PLAGL1: variants seen among roughly 807,000 people sequenced by gnomAD.
PLAGL1 encodes zinc finger protein PLAGL1.
In PLAGL1, 1 loss-of-function variant was observed where a neutral mutation model predicts 4.6. The ratio of observed to expected loss-of-function variants is 0.22; its 90% CI spans 0.08 to 1.03. PLAGL1 has a LOEUF of 1.03. Among genes scored for constraint, PLAGL1 ranks in the 50% least tolerant of loss-of-function variants. The pLI is 0.58. For synonymous variants in PLAGL1, 240 were observed against 237.8 expected, an observed-to-expected ratio of 1.01 and a Z score of -0.08; for missense variants, 464 against 570.4, an observed-to-expected ratio of 0.81 and a Z score of 1.90.
At chr6:144,012,358 G>A (rs142664147), upstream of PLAGL1, among the ~76,000 whole-genome samples, 1,008 of 151,932 alleles carry the variant, frequency 6.6e-3, 9 homozygotes, top group South Asian at 0.028. This position sits in a 1 kb window ranked among gnomAD's most constrained non-coding sequence, Gnocchi z 4.8. Context: ...GATTATAGGC[G>A]TGCACCATCA....
chr6:144,041,965 G>C (rs1279623061), intron 1 of PLAGL1, among the ~76,000 whole-genome samples: 1 of 152,100 alleles, frequency 6.6e-6, no homozygotes, highest in Non-Finnish European at 1.5e-5. Flanking sequence ...GTGTCTGTTG[G>C]CTGCATAAAT....
At chr6:144,023,307 A>G (rs1796103068) in intron 1 of PLAGL1, among the ~76,000 whole-genome samples, 1 of 152,194 alleles carries the variant, frequency 6.6e-6, no homozygotes, top group Non-Finnish European at 1.5e-5. Flanking sequence ...GTGTATGATA[A>G]CATAGTGGTG....
chr6:144,063,586 G>C lies in PLAGL1; in HGVS notation c.-151+882C>G, dbSNP rs975673897. 1.3e-5 allele frequency among the ~76,000 whole-genome samples: 2 copies of C among 152,060 alleles called. No homozygotes were observed. Among genetic ancestry groups the C allele is most frequent in the Non-Finnish European group, 2.9e-5 (2 of 68,010 alleles). ...GAATACATCGGAGTTCTGTTCTTTC[G>C]GTGGCCACACAGATGCTCAATGCCA... is the stretch of plus-strand genomic sequence containing the variant. On this transcript the variant is annotated intron_variant, in intron 1 of 3. Coordinates refer to the PLAGL1 transcript ENST00000437412. This position sits in a 1 kb window ranked among gnomAD's most constrained non-coding sequence, Gnocchi z 5.7.
rs1796402720 is a variant in PLAGL1, at chr6:144,027,223, CAAAGAACGAACG to C, written c.-151+37233_-151+37244del. 1.0e-5 allele frequency among the ~76,000 whole-genome samples: 1 copy of C among 96,702 alleles called. No homozygotes were observed. Among genetic ancestry groups the C allele is most frequent in the African/African-American group, 6.0e-5 (1 of 16,586 alleles). 63.4% of individuals were successfully genotyped at this position (96,702 alleles called of 152,430 possible). ...TGGGTGACAGAGAAAGACCCCAACT[CAAAGAACGAACG>C]AAAGAAAGAAAGAAAGAAAGAAAGA... On this transcript the variant is annotated intron_variant, in intron 1 of 3. Coordinates refer to the PLAGL1 transcript ENST00000437412. This position sits in a 1 kb window ranked among gnomAD's most constrained non-coding sequence, Gnocchi z 5.8.
chr6:143,956,606 T>A lies in PLAGL1; in HGVS notation c.-325+3863A>T, dbSNP rs1474670862. 3.3e-5 allele frequency among the ~76,000 whole-genome samples: 5 copies of A among 152,216 alleles called. No homozygotes were observed. The East Asian group carries it at 9.6e-4, about 29-fold the overall frequency. ...TCTCTTCTACTAGAAGAAGGTAGGCTTTTTATAGATGGGAGCTTTTCTTTG... is the reference window on the plus strand; with the variant it reads ...TCTCTTCTACTAGAAGAAGGTAGGCATTTTATAGATGGGAGCTTTTCTTTG... On this transcript the variant is annotated intron_variant, in intron 6 of 7. Transcript: ENST00000674357.
chr6:144,001,919 C>T (rs752466633), intron 1 of PLAGL1, among the ~76,000 whole-genome samples: 8 of 152,042 alleles, frequency 5.3e-5, no homozygotes, highest in Non-Finnish European at 1.2e-4. Context: ...GACTGAGAAA[C>T]TGTCACAGAT....
rs1334403454 is a variant in PLAGL1, at chr6:143,986,943, C to T, written c.-583-1769G>A. Among the ~76,000 whole-genome samples the T allele has an allele frequency of 2.0e-5, 3 of 152,150 alleles. No homozygotes were observed. The East Asian group carries it at 5.8e-4, about 29-fold the overall frequency. On this transcript the variant is annotated intron_variant, in intron 1 of 7. Transcript: ENST00000674357. ...TTAGCATGGTTTGGTGTGCGTATAA[C>T]CAAGTTATACATAGGAACTAGGGAA...
rs923447294 is a variant in PLAGL1, at chr6:143,989,766, G to A, written c.-583-4592C>T. Among the ~76,000 whole-genome samples the A allele has an allele frequency of 6.6e-6, 1 of 152,070 alleles. No homozygotes were observed. Among genetic ancestry groups the A allele is most frequent in the African/African-American group, 2.4e-5 (1 of 41,400 alleles). On this transcript the variant is annotated intron_variant, in intron 1 of 7. Coordinates refer to ENST00000674357, the MANE Select transcript of PLAGL1 (RefSeq NM_001317162.2). The surrounding 1 kb of genome is among the most constrained non-coding windows in gnomAD (Gnocchi z 4.8). ...AACTCTGCCAACTCAAATTCACTTG[G>A]GTTCTAGAAACTGCCCAACAATTAT...
rs986870700 is a variant in PLAGL1, at chr6:143,947,443, T to G, written c.152+542A>C. ...ATACACCTGAATGAGACAAACCCTC[T>G]CAGACAGAGGTAAGGCCTGCTATAC... is the stretch of plus-strand genomic sequence containing the variant. On this transcript the variant is annotated intron_variant, in intron 7 of 7. Coordinates refer to ENST00000674357, the MANE Select transcript of PLAGL1 (RefSeq NM_001317162.2). The surrounding 1 kb of genome is among the most constrained non-coding windows in gnomAD (Gnocchi z 4.3). 3.9e-5 allele frequency among the ~76,000 whole-genome samples: 6 copies of G among 152,210 alleles called. No homozygotes were observed. The highest frequency in any genetic ancestry group is 7.2e-5 in the African/African-American group (3 of 41,454).
Position 144,016,055 on chromosome 6 carries a change from T to C in PLAGL1, c.-150-47077A>G, listed in dbSNP as rs978623444. ...ACTGTGCGGAGTCAAAGAAATCATA[T>C]TGTATTAGTCAGGGTTCTCTAGAGG... On this transcript the variant is annotated intron_variant, in intron 1 of 3. Transcript: ENST00000437412. This position sits in a 1 kb window ranked among gnomAD's most constrained non-coding sequence, Gnocchi z 4.2. Among the ~76,000 whole-genome samples, 1 of 152,164 alleles carries C rather than the reference T, an allele frequency of 6.6e-6. No homozygotes were observed. Among genetic ancestry groups the C allele is most frequent in the Non-Finnish European group, 1.5e-5 (1 of 68,030 alleles).
rs1332765063 is a variant in PLAGL1, at chr6:143,947,309, T to C, written c.152+676A>G. On this transcript the variant is annotated intron_variant, in intron 7 of 7. Transcript: ENST00000674357. The surrounding 1 kb of genome is among the most constrained non-coding windows in gnomAD (Gnocchi z 4.3). ...GACCTGGATCAGCCCCCACATTTCATCCCTGGACTCTGAGAGCAGGTTTCA... is the reference window on the plus strand; with the variant it reads ...GACCTGGATCAGCCCCCACATTTCACCCCTGGACTCTGAGAGCAGGTTTCA... 6.6e-6 allele frequency among the ~76,000 whole-genome samples: 1 copy of C among 152,216 alleles called. No individual in the cohort carries two copies. Among genetic ancestry groups the C allele is most frequent in the Non-Finnish European group, 1.5e-5 (1 of 68,030 alleles).
chr6:144,040,001 C>T (rs1411106799), intron 1 of PLAGL1, among the ~76,000 whole-genome samples: 2 of 152,046 alleles, frequency 1.3e-5, no homozygotes, highest in African/African-American at 2.4e-5. Context: ...CAACATTCAA[C>T]AACAAGCAAA....
At chr6:144,054,773 A>AAC (rs1798829509) in intron 1 of PLAGL1, among the ~76,000 whole-genome samples, 1 of 103,772 alleles carries the variant, frequency 9.6e-6, no homozygotes, top group South Asian at 2.8e-4. Flanking sequence ...AAAACTAAAA[A>AAC]AGAGTGTGTG....
rs527287395 is a variant in PLAGL1 at position 144,030,633 on chromosome 6, CAT to C, written c.-151+33833_-151+33834del. On this transcript the variant is annotated intron_variant, in intron 1 of 3. Transcript: ENST00000437412. ...ATTCCTGAGTTACTTCACTTAGAAT[CAT>C]AGTCTCCAATTCCATCCAGGTTGCT... Among the ~76,000 whole-genome samples the C allele has an allele frequency of 2.4e-3, 365 of 152,336 alleles. 1 individual carries two copies. Among genetic ancestry groups the C allele is most frequent in the African/African-American group, 8.5e-3 (352 of 41,590 alleles).
In PLAGL1 at chr6:143,941,858, C is replaced by T. The variant is rs1412954561; in HGVS notation, c.958G>A (p.Ala320Thr). 1 of 1,614,116 alleles carries T rather than the reference C, an allele frequency of 6.2e-7. No individual in the cohort carries two copies. The highest frequency in any genetic ancestry group is 1.1e-5 in the South Asian group (1 of 91,072). The change falls in exon 8 of 8, where the codon GCA (alanine) becomes ACA (threonine). Residue 320 changes from alanine (A) to threonine (T), a missense_variant. By Grantham distance (58) the Ala-to-Thr change is moderately conservative (BLOSUM62 0). Around this residue, in one of 4 missense-constraint regions of PLAGL1, gnomAD observed 248 missense variants for 250.1 expected, o/e 0.99. Coordinates refer to ENST00000674357, the MANE Select transcript of PLAGL1 (RefSeq NM_001317162.2). This position sits in a 1 kb window ranked among gnomAD's most constrained non-coding sequence, Gnocchi z 6.0. Reference sequence around the variant, plus strand: ...ATATTGCAAAAACCTTTAGTATCTGCTTTGAGGGGCAGGCTTGCAAGTGGG... The same window carrying T: ...ATATTGCAAAAACCTTTAGTATCTGTTTTGAGGGGCAGGCTTGCAAGTGGG... The part of the protein sequence containing the change: ...YSPLASLPLK[A>T]DTKGFCNISL...
intron 1 of PLAGL1, among the ~76,000 whole-genome samples, chr6:144,014,544 C>A (rs1345222929): frequency 2.0e-5 from 3 of 152,036 alleles, no homozygotes; most frequent in African/African-American, 7.3e-5. Flanking sequence ...TGTATTGAGT[C>A]CAGAAATAGA....
chr6:143,947,910 A>G lies in PLAGL1; in HGVS notation c.152+75T>C, dbSNP rs1780130528. 1.6e-6 allele frequency: 2 copies of G among 1,237,224 alleles called. No homozygotes were observed. Among genetic ancestry groups the G allele is most frequent in the African/African-American group, 3.0e-5 (2 of 67,408 alleles). The allele number at this position is 1,237,224 out of a possible 1,614,324, so 76.6% of individuals were successfully genotyped here. On this transcript the variant is annotated intron_variant, in intron 7 of 7. Coordinates refer to ENST00000674357, the MANE Select transcript of PLAGL1 (RefSeq NM_001317162.2). The surrounding 1 kb of genome is among the most constrained non-coding windows in gnomAD (Gnocchi z 4.3). ...ATATCCTGTGTCCCTTTCCCCTTGC[A>G]TCGTGTGGTCTGAGGGCTAGAAAAG... is the stretch of plus-strand genomic sequence containing the variant.
intron 1 of PLAGL1, among the ~76,000 whole-genome samples, chr6:144,040,675 G>C (rs530005781): frequency 3.3e-5 from 5 of 152,090 alleles, no homozygotes; most frequent in Non-Finnish European, 5.9e-5. Flanking sequence ...CCAGGAGTTC[G>C]AGACCAGTCT....
chr6:144,018,186 T>C (rs984924717), intron 1 of PLAGL1, among the ~76,000 whole-genome samples: 2 of 152,242 alleles, frequency 1.3e-5, no homozygotes, highest in East Asian at 3.8e-4. Flanking sequence ...ATAGTCTATA[T>C]AGTCTCAAAA....
Sources: gnomAD v4.1 joint callset for allele counts (sites outside exome capture counted in the v4.1 genomes callset) on GRCh38, gnomAD v4.1.1 for gene constraint, gnomAD v4.1.1 regional missense constraint, Gnocchi (gnomAD v3.1) non-coding constraint, MANE v1.5 for transcripts, NCBI Gene and HGNC (gene_info 2026-07-23, HGNC 2026-07-21) for gene names.